MYT1: variants seen among roughly 807,000 people sequenced by gnomAD.
MYT1 encodes myelin transcription factor I.
A neutral mutation model predicts 123.0 loss-of-function variants in MYT1; 23 were observed. The observed-to-expected ratio is 0.19, with a 90% CI of 0.13 to 0.26. The LOEUF is 0.26. Among genes scored for constraint, MYT1 ranks in the 10% least tolerant of loss-of-function variants. The pLI is 1.00. For synonymous variants in MYT1, 518 were observed against 575.3 expected (o/e 0.90, Z 1.43); for missense variants, 1,125 against 1,472.5 (o/e 0.76, Z 3.86).
intron 1 of MYT1, among the ~76,000 whole-genome samples, chr20:64,178,560 G>A (rs1235623747): frequency 1.3e-5 from 2 of 151,638 alleles, no homozygotes; most frequent in African/African-American, 4.9e-5. Flanking sequence ...GCACTGAGCC[G>A]TTATTCGGTG....
intron 19 of MYT1, among the ~76,000 whole-genome samples, chr20:64,236,332 C>CCGCGGTGGGTGACCCTGGGA (rs1984541450): frequency 1.7e-5 from 2 of 119,372 alleles, no homozygotes; most frequent in East Asian, 4.1e-4. Flanking sequence ...TGACCCTGGG[C>CCGCGGTGGGTGACCCTGGGA]TGGCCGCGGT....
chr20:64,235,561 G>A (rs554592957), intron 19 of MYT1, among the ~76,000 whole-genome samples: 22 of 144,530 alleles, frequency 1.5e-4, no homozygotes, highest in South Asian at 6.8e-4. Context: ...ATGTGACCCC[G>A]GGATGGTCAT....
rs1483857395 is a variant in MYT1 at position 64,202,925 on chromosome 20, C to T, written c.87-2110C>T. 6.6e-6 allele frequency among the ~76,000 whole-genome samples: 1 copy of T among 152,226 alleles called. No individual in the cohort carries two copies. The highest frequency in any genetic ancestry group is 1.5e-5 in the Non-Finnish European group (1 of 68,040). ...GTCTTCCTCTCCCTACAACTCTGGC[C>T]CTGAGCACCCAGAGGACATCAGGAA... On this transcript the variant is annotated intron_variant, in intron 4 of 22. Transcript: ENST00000328439. The surrounding 1 kb of genome is among the most constrained non-coding windows in gnomAD (Gnocchi z 5.0).
chr20:64,197,962 G>A (rs12481347), intron 2 of MYT1, among the ~76,000 whole-genome samples: 1 of 152,136 alleles, frequency 6.6e-6, no homozygotes, highest in African/African-American at 2.4e-5. Context: ...TGTTTCTCAC[G>A]GGATGACCCT....
intron 1 of MYT1, among the ~76,000 whole-genome samples, chr20:64,179,304 G>A (rs182000545): frequency 2.6e-5 from 4 of 152,352 alleles, no homozygotes; most frequent in Admixed American, 1.3e-4. Context: ...AGTGTTGCCC[G>A]TGATGCAGGA....
chr20:64,170,754 G>A (rs985345117), intron 1 of MYT1, among the ~76,000 whole-genome samples: 4 of 148,046 alleles, frequency 2.7e-5, no homozygotes, highest in Admixed American at 6.8e-5. Flanking sequence ...CCTTAGCCTC[G>A]GTGAGCCGTG....
chr20:64,180,211 A>G (rs1041543993), intron 1 of MYT1, among the ~76,000 whole-genome samples: 1 of 152,168 alleles, frequency 6.6e-6, no homozygotes, highest in African/African-American at 2.4e-5. Flanking sequence ...TGCTACACAC[A>G]CACAGTTACA....
At chr20:64,239,992 G>A in intron 22 of MYT1, 89 bp downstream of exon 22, 1 of 1,547,086 alleles carries the variant, frequency 6.5e-7, no homozygotes, top group Non-Finnish European at 8.7e-7. Flanking sequence ...CACCCCCTCT[G>A]CCTCTGGGTC....
chr20:64,170,884 T>TATATAGAGAGAGAG (rs1569303821), intron 1 of MYT1, among the ~76,000 whole-genome samples: 1 of 20,010 alleles, frequency 5.0e-5, no homozygotes, highest in Non-Finnish European at 7.9e-5. Flanking sequence ...TATATATATA[T>TATATAGAGAGAGAG]AGAGAGAGAG....
rs899290047 is a variant in MYT1, at chr20:64,203,880, C to T, written c.87-1155C>T. Among the ~76,000 whole-genome samples, 4 of 152,242 alleles carry T rather than the reference C, an allele frequency of 2.6e-5. No homozygotes were observed. The highest frequency in any genetic ancestry group is 9.7e-5 in the African/African-American group (4 of 41,448). On this transcript the variant is annotated intron_variant, in intron 4 of 22. Transcript: ENST00000328439. This position sits in a 1 kb window ranked among gnomAD's most constrained non-coding sequence, Gnocchi z 5.1. ...GGGGGCACCAGCCCTTACCTTCCTCCCTTCACAGGCTCCGGAAGATGTGCT... is the reference window on the plus strand; with the variant it reads ...GGGGGCACCAGCCCTTACCTTCCTCTCTTCACAGGCTCCGGAAGATGTGCT...
At position 64,232,398 on chromosome 20, in the gene MYT1, G is replaced by A. The variant is rs185928203; in HGVS notation, c.2897+13G>A. The A allele has an allele frequency of 6.2e-6, 10 of 1,612,212 alleles. No individual in the cohort carries two copies. In the South Asian group the frequency reaches 8.8e-5, roughly 14 times the overall value. ...TCACCCACCGGAGGTAACTGTGCCT[G>A]CAGGTCCTGCCCCTCTGTGCAGTCA... On this transcript the variant is annotated intron_variant, in intron 19 of 22. Transcript: ENST00000328439. The surrounding 1 kb of genome is among the most constrained non-coding windows in gnomAD (Gnocchi z 6.9).
intron 2 of MYT1, among the ~76,000 whole-genome samples, chr20:64,198,144 G>A (rs372010178): frequency 1.4e-4 from 21 of 151,904 alleles, no homozygotes; most frequent in East Asian, 1.4e-3. Context: ...AAAATTAGCC[G>A]GGCGTGGTAG....
chr20:64,206,351 G>A (rs1474540110), intron 6 of MYT1, among the ~76,000 whole-genome samples: 2 of 152,192 alleles, frequency 1.3e-5, no homozygotes, highest in South Asian at 2.1e-4. Context: ...AGGGGAAGGA[G>A]GAAAGCAGAC....
chr20:64,199,863 T>C, intron 3 of MYT1, 29 bp from the exon 4 acceptor site: 1 of 1,612,540 alleles, frequency 6.2e-7, no homozygotes, highest in Non-Finnish European at 8.5e-7. Flanking sequence ...AATTCCCACA[T>C]GTTTTCCCTG....
chr20:64,195,434 C>T (rs1433605679), intron 2 of MYT1, among the ~76,000 whole-genome samples: 11 of 138,068 alleles, frequency 8.0e-5, no homozygotes, highest in African/African-American at 2.4e-4. Context: ...CTCACTCTGT[C>T]GCCTAGGCTG....
At position 64,185,385 on chromosome 20, in the gene MYT1, C is replaced by T. The variant is rs1043015276; in HGVS notation, c.-98-4678C>T. 6.6e-6 allele frequency among the ~76,000 whole-genome samples: 1 copy of T among 152,164 alleles called. No homozygotes were observed. The highest frequency in any genetic ancestry group is 1.5e-5 in the Non-Finnish European group (1 of 68,026). On this transcript the variant is annotated intron_variant, in intron 1 of 22. Transcript: ENST00000328439. The surrounding 1 kb of genome is among the most constrained non-coding windows in gnomAD (Gnocchi z 4.5). ...GGCTCCTCTCAAGTGACTACCCTTC[C>T]CCTCTTTGCTGAGGGGCAGGTGGTA...
intron 4 of MYT1, among the ~76,000 whole-genome samples, chr20:64,201,721 C>A (rs1444321642): frequency 2.0e-5 from 3 of 152,204 alleles, no homozygotes; most frequent in African/African-American, 7.2e-5. Flanking sequence ...TGGGCTCTGA[C>A]CGGACAAGCA....
rs5842447 is a variant in MYT1 at position 64,220,791 on chromosome 20, T to TGGATC, written c.2241+809_2241+810insGGATC. 1.2e-4 allele frequency among the ~76,000 whole-genome samples: 12 copies of TGGATC among 102,268 alleles called. 1 individual carries two copies. The highest frequency in any genetic ancestry group is 9.7e-5 in the Non-Finnish European group (4 of 41,188). 67.1% of individuals were successfully genotyped at this position (102,268 alleles called of 152,430 possible). A position where few individuals can be genotyped will look rare whatever the true frequency, so the allele number is the denominator to read the frequency against. On this transcript the variant is annotated intron_variant, in intron 13 of 22. Transcript: ENST00000328439. ...CAAGGAGGAATGAGGGGGGTGGGGCTAGGCCCCTATGAAGGGTGGGGGCTG... is the reference window on the plus strand; with the variant it reads ...CAAGGAGGAATGAGGGGGGTGGGGCTGGATCAGGCCCCTATGAAGGGTGGGGGCTG...
intron 1 of MYT1, among the ~76,000 whole-genome samples, chr20:64,165,476 G>A (rs1982053842): frequency 6.6e-6 from 1 of 152,180 alleles, no homozygotes; most frequent in African/African-American, 2.4e-5. Context: ...GCCATTGTCT[G>A]TAGTTCTGGG....
Sources: gnomAD v4.1 joint callset for allele counts (sites outside exome capture counted in the v4.1 genomes callset) on GRCh38, gnomAD v4.1.1 for gene constraint, Gnocchi (gnomAD v3.1) non-coding constraint, MANE v1.5 for transcripts, NCBI Gene and HGNC (gene_info 2026-07-23, HGNC 2026-07-21) for gene names.